FNDC7: variants seen among roughly 807,000 people sequenced by gnomAD.
FNDC7 encodes fibronectin type III domain-containing protein 7.
A neutral mutation model predicts 74.2 loss-of-function variants in FNDC7; 66 were observed. The observed-to-expected ratio is 0.89, with a 90% CI of 0.73 to 1.09. FNDC7 has a LOEUF of 1.09. Ranked by LOEUF, FNDC7 falls within the 50% of genes least tolerant of loss-of-function variation. The pLI, the probability that FNDC7 is intolerant of heterozygous loss-of-function variation, is 0.00. For synonymous variants in FNDC7, 307 were observed against 330.2 expected (o/e 0.93, Z 0.76); for missense variants, 829 against 893.4 (o/e 0.93, Z 0.92).
At chr1:108,741,321 T>G (rs867089884) in intron 11 of FNDC7, among the ~76,000 whole-genome samples, 17 of 152,186 alleles carry the variant, frequency 1.1e-4, no homozygotes, top group Non-Finnish European at 2.2e-4. Context: ...TTCCTTCATC[T>G]TTAGGACCCA....
At chr1:108,728,338 G>T (rs369357513) in intron 7 of FNDC7, among the ~76,000 whole-genome samples, 1 of 152,242 alleles carries the variant, frequency 6.6e-6, no homozygotes, top group Non-Finnish European at 1.5e-5. Context: ...TATCTTTGAG[G>T]GGCCTGCCTG....
chr1:108,734,284 A>T (rs1350951659), intron 10 of FNDC7: 2 of 152,166 alleles, frequency 1.3e-5, no homozygotes, highest in Non-Finnish European at 2.9e-5. Flanking sequence ...TAAATTTATA[A>T]ATCACAAGCT....
At chr1:108,724,378 T>C (rs1390241415) in intron 5 of FNDC7, among the ~76,000 whole-genome samples, 1 of 152,012 alleles carries the variant, frequency 6.6e-6, no homozygotes, top group Non-Finnish European at 1.5e-5. Context: ...GTATCTTAAC[T>C]CTATGCTTAA....
intron 9 of FNDC7, among the ~76,000 whole-genome samples, chr1:108,731,153 C>T (rs1661336051): frequency 6.6e-6 from 1 of 152,178 alleles, no homozygotes; most frequent in Admixed American, 6.5e-5. Context: ...AACAATGTTC[C>T]TCTATGCTTT....
chr1:108,714,169 G>A (rs979251251), intron 2 of FNDC7, among the ~76,000 whole-genome samples: 42 of 151,994 alleles, frequency 2.8e-4, no homozygotes, highest in African/African-American at 9.4e-4. Flanking sequence ...TTTTTAGGAG[G>A]GTTAACTTAT....
At chr1:108,735,648 AATT>A (rs916477197) in intron 10 of FNDC7, among the ~76,000 whole-genome samples, 1 of 152,198 alleles carries the variant, frequency 6.6e-6, no homozygotes, top group African/African-American at 2.4e-5. Flanking sequence ...TCAATATAAA[AATT>A]ATTAATAGAT....
chr1:108,714,190 C>T (rs991890125), intron 2 of FNDC7, among the ~76,000 whole-genome samples: 1 of 152,040 alleles, frequency 6.6e-6, no homozygotes, highest in South Asian at 2.1e-4. Context: ...CTGTAGGAAC[C>T]ACATAATATC....
intron 1 of FNDC7, 33 bp downstream of exon 1, chr1:108,713,029 T>G (rs1415181149): frequency 2.0e-6 from 3 of 1,526,528 alleles, no homozygotes; most frequent in Non-Finnish European, 2.7e-6. Flanking sequence ...CCACAACTAT[T>G]TAGGGGAAAA....
chr1:108,713,482 G>T (rs911782253), intron 1 of FNDC7, 29 bp from the exon 2 acceptor site: 2 of 1,547,216 alleles, frequency 1.3e-6, no homozygotes, highest in Non-Finnish European at 1.7e-6. Context: ...TTTCTGTGTG[G>T]TTCTAATTTT....
In FNDC7 at chr1:108,726,016, T is replaced by C. The variant is rs187493395; in HGVS notation, c.1111+12T>C. The C allele has an allele frequency of 7.6e-5, 122 of 1,613,408 alleles. No homozygotes were observed. The African/African-American group carries it at 1.4e-3, about 19-fold the overall frequency. On this transcript the variant is annotated intron_variant, in intron 6 of 12. Transcript: ENST00000370017. ...CAATTATACCACAGGTAAGTCCCATTTGATGTTTGTTAAGGGAGTTCTGAG... is the reference window on the plus strand; with the variant it reads ...CAATTATACCACAGGTAAGTCCCATCTGATGTTTGTTAAGGGAGTTCTGAG...
intron 2 of FNDC7, 21 bp from the exon 3 acceptor site, chr1:108,717,756 C>T (rs757215694): frequency 3.9e-6 from 6 of 1,549,296 alleles, no homozygotes; most frequent in Admixed American, 3.9e-5. Context: ...GGCTAATGTA[C>T]AACTCTAAAA....
chr1:108,741,682 T>C (rs1661651455), intron 11 of FNDC7, 91 bp from the exon 12 acceptor site: 1 of 1,311,928 alleles, frequency 7.6e-7, no homozygotes, highest in Non-Finnish European at 1.1e-6. Context: ...CAAATCAACA[T>C]ACACATAAAA....
rs1661657623 is a variant in FNDC7 at position 108,741,859 on chromosome 1, A to G, written c.*37+18A>G. 4 of 1,569,898 alleles carry G rather than the reference A, an allele frequency of 2.5e-6. No individual in the cohort carries two copies. Among genetic ancestry groups the G allele is most frequent in the African/African-American group, 1.4e-5 (1 of 73,590 alleles). ...TTGACCAAGTGAGTAACGTAAATTGATTTTGTGTGATTTTATGGCAAAGTT... is the reference window on the plus strand; with the variant it reads ...TTGACCAAGTGAGTAACGTAAATTGGTTTTGTGTGATTTTATGGCAAAGTT... On this transcript the variant is annotated intron_variant, in intron 12 of 12. Transcript: ENST00000370017.
chr1:108,719,084 ACTT>A, intron 4 of FNDC7, 35 bp downstream of exon 4: 1 of 1,548,490 alleles, frequency 6.5e-7, no homozygotes, highest in East Asian at 2.4e-5. Context: ...GAACAATTCT[ACTT>A]TTGATTAATG....
intron 2 of FNDC7, among the ~76,000 whole-genome samples, chr1:108,714,833 T>C (rs1660941063): frequency 6.6e-6 from 1 of 151,856 alleles, no homozygotes; most frequent in African/African-American, 2.4e-5. Flanking sequence ...GACCTCATGA[T>C]CCGCCCGCCT....
chr1:108,716,320 GGTGTGTGTGTGTGT>G (rs141850435), intron 2 of FNDC7, among the ~76,000 whole-genome samples: 1,631 of 95,714 alleles, frequency 0.017, 13 homozygotes, highest in Non-Finnish European at 0.028. Context: ...GCAGAAGAGA[GGTGTGTGTGTGTGT>G]GTGTGTGTGT....
At chr1:108,741,598 G>T (rs942060921) in intron 11 of FNDC7, among the ~76,000 whole-genome samples, 175 bp from the exon 12 acceptor site, 1 of 152,202 alleles carries the variant, frequency 6.6e-6, no homozygotes, top group Non-Finnish European at 1.5e-5. Flanking sequence ...AGAAACTGCT[G>T]ATCAGTTTGA....
chr1:108,742,140 C>T lies in FNDC7; in HGVS notation c.*253C>T, dbSNP rs79943833. The T allele has an allele frequency of 7.0e-3, 2,308 of 330,174 alleles. 79 individuals carry two copies. In the East Asian group the frequency reaches 0.087, roughly 12 times the overall value. The allele number at this position is 330,174 out of a possible 1,614,324, so 20.5% of individuals were successfully genotyped here. ...AAATGAATCCAGAAAGTCCCCTGGA[C>T]GGCTGCTAGCCTGAGTTGGCACACT... On this transcript the variant is annotated 3_prime_UTR_variant, in exon 13 of 13. Transcript: ENST00000370017.
chr1:108,742,503 A>C lies in FNDC7; in HGVS notation c.*616A>C, dbSNP rs1189361701. On this transcript the variant is annotated 3_prime_UTR_variant, in exon 13 of 13. Transcript: ENST00000370017. ...GAGCCAAAGCATCAGGTGGCGTGAC[A>C]TCTATGGGAGCATCTGGGAAAGCAG... 1 of 152,280 alleles carries C rather than the reference A, an allele frequency of 6.6e-6. No individual in the cohort carries two copies. The highest frequency in any genetic ancestry group is 6.5e-5 in the Admixed American group (1 of 15,286). 9.4% of individuals were successfully genotyped at this position (152,280 alleles called of 1,614,324 possible). A position where few individuals can be genotyped will look rare whatever the true frequency, so the allele number is the denominator to read the frequency against.
Sources: allele counts gnomAD v4.1 joint callset (sites outside exome capture counted in the v4.1 genomes callset), GRCh38; gene constraint gnomAD v4.1.1; transcripts MANE v1.5; gene names NCBI Gene and HGNC (gene_info 2026-07-23, HGNC 2026-07-21).